The following CYP11B1 variants were observed in gnomAD, a reference collection of about 807,000 sequenced individuals.
CYP11B1 encodes the protein cytochrome P450 11B1, mitochondrial.
In CYP11B1, 34 loss-of-function variants were observed where a neutral mutation model predicts 48.3. The observed-to-expected ratio is 0.70, with a 90% CI of 0.54 to 0.94. CYP11B1 has a LOEUF of 0.94. Among genes scored for constraint, CYP11B1 ranks in the 40% least tolerant of loss-of-function variants. The probability of loss-of-function intolerance (pLI) is 0.00; values close to 1 mark genes in which losing one functional copy is unlikely to be tolerated. For synonymous variants in CYP11B1, 291 were observed against 262.5 expected, an observed-to-expected ratio of 1.11 and a Z score of -1.05; for missense variants, 688 against 657.4, an observed-to-expected ratio of 1.05 and a Z score of -0.51.
At chr8:142,877,887 C>T in intron 2 of CYP11B1, 2 of 1,451,168 alleles carry the variant, frequency 1.4e-6, no homozygotes, top group South Asian at 1.2e-5. Flanking sequence ...GAGCTGTTGA[C>T]AGTGATGGCA....
intron 5 of CYP11B1, 56 bp downstream of exon 5, chr8:142,876,185 C>G: frequency 6.2e-7 from 1 of 1,612,398 alleles, no homozygotes. Flanking sequence ...GCAGGCAGTG[C>G]CTGGGAGGCA....
In CYP11B1 at chr8:142,873,086, T is replaced by A. The variant is rs1478502919; in HGVS notation, c.*1287A>T. On this transcript the variant is annotated 3_prime_UTR_variant, in exon 9 of 9. Transcript: ENST00000292427. ...TTTTCTTAGAGCATCCTGAATAGAT[T>A]AACACAAATAACTCTAGCTAGGTGT... The A allele has an allele frequency of 7.9e-5, 12 of 152,310 alleles. No homozygotes were observed. In the East Asian group the frequency reaches 2.3e-3, roughly 29 times the overall value. The allele number at this position is 152,310 out of a possible 1,614,324, so 9.4% of individuals were successfully genotyped here. A position where few individuals can be genotyped will look rare whatever the true frequency, so the allele number is the denominator to read the frequency against.
At chr8:142,874,598 T>C in intron 8 of CYP11B1, 112 bp from the exon 9 acceptor site, 1 of 805,380 alleles carries the variant, frequency 1.2e-6, no homozygotes, top group Non-Finnish European at 2.2e-6. Flanking sequence ...AACAGCAGCC[T>C]GGCCTCCAAC....
At chr8:142,875,611 T>A in intron 6 of CYP11B1, 101 bp downstream of exon 6, 2 of 1,338,550 alleles carry the variant, frequency 1.5e-6, no homozygotes, top group Non-Finnish European at 2.1e-6. Flanking sequence ...GGCTGCTGGG[T>A]GACGCTGTTT....
intron 6 of CYP11B1, 25 bp downstream of exon 6, chr8:142,875,687 C>T: frequency 1.2e-6 from 2 of 1,612,710 alleles, no homozygotes; most frequent in East Asian, 2.2e-5. Context: ...GCCAGGGCCA[C>T]AGGGAGGCCT....
intron 1 of CYP11B1, 102 bp downstream of exon 1, chr8:142,879,473 G>C (rs752446977): frequency 4.7e-5 from 76 of 1,613,832 alleles, no homozygotes; most frequent in Non-Finnish European, 6.3e-5. Flanking sequence ...GATGCAGAGT[G>C]CCGGGACCTG....
At chr8:142,876,008 TCAAATC>T (rs1372698114) in intron 5 of CYP11B1, 130 bp from the exon 6 acceptor site, 1 of 1,265,246 alleles carries the variant, frequency 7.9e-7, no homozygotes, top group East Asian at 2.4e-5. Flanking sequence ...GCCCAAGACT[TCAAATC>T]CTAATGCCCA....
intron 5 of CYP11B1, 142 bp from the exon 6 acceptor site, chr8:142,876,020 GC>G (rs1816935460): frequency 3.4e-6 from 4 of 1,189,000 alleles, no homozygotes; most frequent in Middle Eastern, 3.9e-4. Flanking sequence ...AAATCCTAAT[GC>G]CCATCCAAAC....
intron 2 of CYP11B1, among the ~76,000 whole-genome samples, chr8:142,877,594 C>G (rs1056586262): frequency 3.3e-5 from 5 of 152,208 alleles, no homozygotes; most frequent in African/African-American, 1.2e-4. Flanking sequence ...TCAAGCTTTG[C>G]CCACCTCACC....
Position 142,876,341 on chromosome 8 carries a change from T to A in CYP11B1, c.854A>T (p.Gln285Leu), listed in dbSNP as rs1189895191. The stretch of plus-strand genomic sequence containing the variant: ...GAGCTCCGCCACGATGCTGGTGTAC[T>A]GTTGAGGGCGGCTGAAGGCCAGTTC... ...YQELAFSRPQ[Q>L]YTSIVAELLL... Residue 285 changes from glutamine (Q) to leucine (L), a missense_variant, in exon 5 of 9, where the codon CAG becomes CTG. Physicochemically the swap from Gln to Leu is moderately radical, Grantham distance 113. Coordinates refer to ENST00000292427, the MANE Select transcript of CYP11B1 (RefSeq NM_000497.4). The A allele has an allele frequency of 6.2e-7, 1 of 1,614,080 alleles. No individual in the cohort carries two copies. Among genetic ancestry groups the A allele is most frequent in the East Asian group, 2.2e-5 (1 of 44,890 alleles).
At chr8:142,877,627 G>GC (rs1357163124) in intron 2 of CYP11B1, 5 of 799,012 alleles carry the variant, frequency 6.3e-6, no homozygotes, top group Non-Finnish European at 1.0e-5. Flanking sequence ...TGAGGGGAGA[G>GC]CCCCTGGCTG....
chr8:142,875,628 C>T (rs1378768486), intron 6 of CYP11B1, 84 bp downstream of exon 6: 1 of 1,511,776 alleles, frequency 6.6e-7, no homozygotes, highest in Non-Finnish European at 9.1e-7. Context: ...GTTTATCAGC[C>T]CCAGATTCTG....
At chr8:142,878,985 A>G in intron 2 of CYP11B1, 47 bp downstream of exon 2, 3 of 1,609,348 alleles carry the variant, frequency 1.9e-6, no homozygotes, top group Non-Finnish European at 2.5e-6. Context: ...CCTCCCCCCT[A>G]CACCCAGGCT....
intron 5 of CYP11B1, 41 bp from the exon 6 acceptor site, chr8:142,875,919 G>A (rs1586558302): frequency 6.2e-7 from 1 of 1,612,868 alleles, no homozygotes; most frequent in East Asian, 2.2e-5. Context: ...TTGCACAGGA[G>A]GACTCAGCCC....
At chr8:142,878,015 A>G (rs1817014743) in intron 2 of CYP11B1, among the ~76,000 whole-genome samples, 7 of 151,666 alleles carry the variant, frequency 4.6e-5, no homozygotes, top group Admixed American at 2.6e-4. Flanking sequence ...ACATGCACAC[A>G]CAGAGACACT....
chr8:142,875,992 G>T (rs542568445), intron 5 of CYP11B1, 114 bp from the exon 6 acceptor site: 1 of 1,339,334 alleles, frequency 7.5e-7, no homozygotes, highest in Non-Finnish European at 1.1e-6. Flanking sequence ...CCCTGAGAAC[G>T]ACAGAGCCCA....
In CYP11B1 at chr8:142,874,988, G is replaced by A. The variant is rs751256857; in HGVS notation, c.1367C>T (p.Ala456Val). The A allele has an allele frequency of 6.2e-7, 1 of 1,614,114 alleles. No homozygotes were observed. Among genetic ancestry groups the A allele is most frequent in the East Asian group, 2.2e-5 (1 of 44,878 alleles). Residue 456 changes from alanine to valine, a missense_variant, in exon 8 of 9, where the codon GCA becomes GTA. Physicochemically the swap from Ala to Val is moderately conservative, Grantham distance 64 (BLOSUM62 0). Coordinates refer to ENST00000292427, the MANE Select transcript of CYP11B1 (RefSeq NM_000497.4). ...CAGCAGCAGCAGCATCTCTGCCTCT[G>A]CCAGGCGCCGCCCAAGGCACTGGCG... ...GMRQCLGRRL[A>V]EAEMLLLLHH...
intron 2 of CYP11B1, among the ~76,000 whole-genome samples, chr8:142,878,356 G>C (rs565402393): frequency 2.6e-5 from 4 of 151,938 alleles, no homozygotes; most frequent in Non-Finnish European, 5.9e-5. Flanking sequence ...TGACATCCTC[G>C]TCCAGTCCTT....
At position 142,873,681 on chromosome 8, in the gene CYP11B1, C is replaced by A. The variant is rs1137486; in HGVS notation, c.*692G>T. 1 of 154,770 alleles carries A rather than the reference C, an allele frequency of 6.5e-6. No individual in the cohort carries two copies. Among genetic ancestry groups the A allele is most frequent in the African/African-American group, 2.4e-5 (1 of 41,446 alleles). The allele number at this position is 154,770 out of a possible 1,614,324, so 9.6% of individuals were successfully genotyped here. On this transcript the variant is annotated 3_prime_UTR_variant, in exon 9 of 9. Coordinates refer to ENST00000292427, the MANE Select transcript of CYP11B1 (RefSeq NM_000497.4). ...GCACAGGAAGCAGAGGACCCAACACCCACTCCTGGAACAAGGCCTGGTCCA... is the reference window on the plus strand; with the variant it reads ...GCACAGGAAGCAGAGGACCCAACACACACTCCTGGAACAAGGCCTGGTCCA...
Sources: allele counts gnomAD v4.1 joint callset (sites outside exome capture counted in the v4.1 genomes callset), GRCh38; gene constraint gnomAD v4.1.1; transcripts MANE v1.5; gene names NCBI Gene and HGNC (gene_info 2026-07-23, HGNC 2026-07-21).